STK38: variants seen among roughly 807,000 people sequenced by gnomAD.
STK38 encodes serine/threonine-protein kinase 38.
STK38 carries 26 observed loss-of-function variants against 59.0 expected under a neutral mutation model. The ratio of observed to expected loss-of-function variants is 0.44; its 90% CI spans 0.32 to 0.61. The LOEUF is 0.61. STK38 is among the 20% of genes least tolerant of loss of function. The pLI, the probability that STK38 is intolerant of heterozygous loss-of-function variation, is 0.04. For synonymous variants in STK38, 175 were observed against 176.6 expected (o/e 0.99, Z 0.07); for missense variants, 433 against 566.0 (o/e 0.76, Z 2.38).
In STK38 at chr6:36,515,429, A is replaced by C. The variant is rs776974267; in HGVS notation, c.578T>G (p.Ile193Arg). Residue 193 changes from isoleucine (I) to arginine (R), a missense_variant, in exon 7 of 14, where the codon ATA (isoleucine) becomes AGA (arginine). Transcript: ENST00000229812. ...TLTEEETQFY[I>R]AETVLAIDSI... ...GTCTATGGCTAATACTGTTTCTGCT[A>C]TATAAAACTGAGTCTCCTCTTCTGT... The C allele has an allele frequency of 1.2e-6, 2 of 1,613,918 alleles. No individual in the cohort carries two copies. The highest frequency in any genetic ancestry group is 1.7e-6 in the Non-Finnish European group (2 of 1,180,018).
chr6:36,496,844 A>G (rs1367951863), intron 12 of STK38, 39 bp from the exon 13 acceptor site: 2 of 1,445,724 alleles, frequency 1.4e-6, no homozygotes, highest in Non-Finnish European at 1.9e-6. Flanking sequence ...CTAAGTTAGT[A>G]ATCAAATGGA....
intron 9 of STK38, among the ~76,000 whole-genome samples, chr6:36,501,553 CTTTTT>C (rs61042158): frequency 2.9e-5 from 4 of 136,614 alleles, no homozygotes; most frequent in Non-Finnish European, 4.7e-5. Flanking sequence ...GATCATTTGT[CTTTTT>C]TTTTTTTTTT....
chr6:36,525,479 CCT>C (rs1031120840), intron 3 of STK38, 110 bp downstream of exon 3: 3 of 888,596 alleles, frequency 3.4e-6, no homozygotes. Flanking sequence ...CCCTCAAGTT[CCT>C]CTGTTATTGA....
At chr6:36,511,572 G>A (rs1777109137) in intron 7 of STK38, among the ~76,000 whole-genome samples, 1 of 151,452 alleles carries the variant, frequency 6.6e-6, no homozygotes, top group Non-Finnish European at 1.5e-5. Flanking sequence ...TGGCCAGGCT[G>A]GTCTTGAACT....
intron 7 of STK38, among the ~76,000 whole-genome samples, chr6:36,511,289 G>C (rs1777102083): frequency 6.6e-6 from 1 of 151,882 alleles, no homozygotes; most frequent in Non-Finnish European, 1.5e-5. Context: ...ATGTACATAT[G>C]TACACAGCAA....
intron 9 of STK38, among the ~76,000 whole-genome samples, chr6:36,501,309 T>C (rs1776832415): frequency 6.6e-6 from 1 of 152,038 alleles, no homozygotes; most frequent in Non-Finnish European, 1.5e-5. Context: ...GACTGCAAAA[T>C]AAGAGGAGAA....
intron 2 of STK38, among the ~76,000 whole-genome samples, chr6:36,527,207 A>AATATATATATATATATATATATATAT (rs1554168829): frequency 8.4e-6 from 1 of 119,356 alleles, no homozygotes; most frequent in East Asian, 2.4e-4. Context: ...AAAAAAAAAA[A>AATATATATATATATATATATATATAT]ATATATGTAT....
chr6:36,498,541 C>A, intron 10 of STK38, 55 bp from the exon 11 acceptor site: 3 of 1,558,420 alleles, frequency 1.9e-6, no homozygotes, highest in Non-Finnish European at 2.6e-6. Flanking sequence ...TGAATCTGAC[C>A]GAGATTACTC....
chr6:36,512,828 T>C (rs903954155), intron 7 of STK38, among the ~76,000 whole-genome samples: 3 of 151,774 alleles, frequency 2.0e-5, no homozygotes, highest in African/African-American at 7.3e-5. Flanking sequence ...ACCCAGCTAA[T>C]TTTTTATTTT....
At chr6:36,544,195 G>C (rs1778006331) in intron 1 of STK38, among the ~76,000 whole-genome samples, 1 of 152,010 alleles carries the variant, frequency 6.6e-6, no homozygotes, top group South Asian at 2.1e-4. Flanking sequence ...GTGCCAAAAA[G>C]ATCAGTAAAA....
At chr6:36,498,679 C>G (rs1057151164) in intron 10 of STK38, among the ~76,000 whole-genome samples, 193 bp from the exon 11 acceptor site, 1 of 150,860 alleles carries the variant, frequency 6.6e-6, no homozygotes, top group African/African-American at 2.4e-5. Flanking sequence ...CCTTGAATTC[C>G]TGGGCTCAAG....
At chr6:36,537,783 C>T (rs536626831) in intron 2 of STK38, among the ~76,000 whole-genome samples, 44 of 152,098 alleles carry the variant, frequency 2.9e-4, no homozygotes, top group Non-Finnish European at 5.6e-4. Flanking sequence ...CCTGTAGTCC[C>T]AGCTACTTGG....
At chr6:36,504,080 C>T (rs996019246) in intron 9 of STK38, among the ~76,000 whole-genome samples, 1 of 152,192 alleles carries the variant, frequency 6.6e-6, no homozygotes, top group African/African-American at 2.4e-5. Context: ...TGAATGTGTT[C>T]TAACCTTATG....
At chr6:36,500,270 G>A (rs1398408168) in intron 9 of STK38, among the ~76,000 whole-genome samples, 1 of 152,014 alleles carries the variant, frequency 6.6e-6, no homozygotes, top group Admixed American at 6.6e-5. Context: ...CACCCATTAA[G>A]TACTAGGCTC....
rs761900855 is a variant in STK38 at position 36,518,589 on chromosome 6, G to A, written c.391-749C>T. ...TTTTTTTAAAACAAGATGGGGTCTC[G>A]CTCTGTCACTCCGGCTAGAGTGCAG... On this transcript the variant is annotated intron_variant, in intron 5 of 13. Coordinates refer to ENST00000229812, the MANE Select transcript of STK38 (RefSeq NM_007271.4). Among the ~76,000 whole-genome samples, 11 of 151,998 alleles carry A rather than the reference G, an allele frequency of 7.2e-5. No individual in the cohort carries two copies. In the East Asian group the frequency reaches 1.2e-3, roughly 16 times the overall value.
At chr6:36,522,926 T>C (rs1777416463) in intron 4 of STK38, among the ~76,000 whole-genome samples, 2 of 151,670 alleles carry the variant, frequency 1.3e-5, no homozygotes, top group Admixed American at 6.6e-5. Flanking sequence ...TTGTGTTTTA[T>C]GTAGTTTTCC....
At chr6:36,520,479 A>G in intron 5 of STK38, among the ~76,000 whole-genome samples, 1 of 152,248 alleles carries the variant, frequency 6.6e-6, no homozygotes, top group Non-Finnish European at 1.5e-5. Flanking sequence ...AGAGGTCTTA[A>G]GCCTTGGTTA....
At chr6:36,535,251 C>T (rs1457231741) in intron 2 of STK38, among the ~76,000 whole-genome samples, 3 of 152,014 alleles carry the variant, frequency 2.0e-5, no homozygotes, top group Admixed American at 6.6e-5. Flanking sequence ...GAGTTCGAGA[C>T]CAGCCTGCCC....
At chr6:36,544,361 T>A (rs1463483665) in intron 1 of STK38, among the ~76,000 whole-genome samples, 4 of 151,866 alleles carry the variant, frequency 2.6e-5, no homozygotes, top group Non-Finnish European at 5.9e-5. Flanking sequence ...AAAACCTCTG[T>A]TTGGTTTGTG....
Sources: gnomAD v4.1 joint callset for allele counts (sites outside exome capture counted in the v4.1 genomes callset) on GRCh38, gnomAD v4.1.1 for gene constraint, MANE v1.5 for transcripts, NCBI Gene and HGNC (gene_info 2026-07-23, HGNC 2026-07-21) for gene names.